The following NKD1 variants were observed in gnomAD, a reference collection of about 807,000 sequenced individuals.
NKD1 encodes NKD inhibitor of Wnt signaling pathway 1, also known as protein naked cuticle homolog 1.
A neutral mutation model predicts 56.0 loss-of-function variants in NKD1; 21 were observed. That is an observed-to-expected ratio of 0.38 (90% CI 0.27 to 0.54). NKD1 has a LOEUF of 0.54. Ranked by LOEUF, NKD1 falls within the 20% of genes least tolerant of loss-of-function variation. The probability of loss-of-function intolerance (pLI) is 0.82; values close to 1 mark genes in which losing one functional copy is unlikely to be tolerated. For synonymous variants in NKD1, 263 were observed against 265.7 expected (o/e 0.99, Z 0.10); for missense variants, 578 against 642.7 (o/e 0.90, Z 1.09).
intron 3 of NKD1, among the ~76,000 whole-genome samples, chr16:50,593,578 C>T (rs1386033644): frequency 6.6e-6 from 1 of 152,162 alleles, no homozygotes. Flanking sequence ...CCTGACCAGT[C>T]CCCATGGCTG....
At position 50,548,588 on chromosome 16, in the gene NKD1, C is replaced by T. The variant is rs1258264252; in HGVS notation, c.25+10C>T. On this transcript the variant is annotated intron_variant, in intron 1 of 9. Transcript: ENST00000268459. ...CTTCACTCCAAGCCGGGTCAGTGCC[C>T]CCGCCCGCGCGCTCGCCCCGGGCCC... The T allele has an allele frequency of 2.7e-6, 4 of 1,462,630 alleles. No homozygotes were observed. The highest frequency in any genetic ancestry group is 3.0e-5 in the African/African-American group (2 of 67,360). The allele number at this position is 1,462,630 out of a possible 1,614,324, so 90.6% of individuals were successfully genotyped here.
At chr16:50,548,620 C>T in intron 1 of NKD1, 42 bp downstream of exon 1, 2 of 1,445,564 alleles carry the variant, frequency 1.4e-6, no homozygotes, top group Non-Finnish European at 1.8e-6. Flanking sequence ...GCCCCGCCGC[C>T]GTCGCCGCCG....
At chr16:50,606,771 G>A (rs942883476) in intron 3 of NKD1, 6 of 456,280 alleles carry the variant, frequency 1.3e-5, no homozygotes, top group South Asian at 4.6e-5. Context: ...GAAGAGGTGC[G>A]CAGATTCTCT....
rs1275200282 is a variant in NKD1 at position 50,639,675 on chromosome 16, C to A, written c.*5894C>A. ...GGGCTGAGTTCTTTCTCTAGTTGCC[C>A]TGTCATCTGGCCTCTGGATAACCCA... is the stretch of plus-strand genomic sequence containing the variant. On this transcript the variant is annotated 3_prime_UTR_variant, in exon 10 of 10. Coordinates refer to ENST00000268459, the MANE Select transcript of NKD1 (RefSeq NM_033119.5). 2.6e-5 allele frequency: 4 copies of A among 152,256 alleles called. No individual in the cohort carries two copies. Among genetic ancestry groups the A allele is most frequent in the Non-Finnish European group, 5.9e-5 (4 of 68,054 alleles). 9.4% of individuals were successfully genotyped at this position (152,256 alleles called of 1,614,324 possible).
rs747891355 is a variant in NKD1, at chr16:50,630,275, G to A, written c.552G>A (p.Lys184=). The A allele has an allele frequency of 4.0e-5, 64 of 1,614,062 alleles. No individual in the cohort carries two copies. Among genetic ancestry groups the A allele is most frequent in the Non-Finnish European group, 5.2e-5 (61 of 1,180,048 alleles). ...CATCCAGCAAGATGCTGCGGGTAAA[G>A]CTCACCGTGGCCCCCGATGGCAGCC... ...SPTSSKMLRV[K]LTVAPDGSQS... The change falls in exon 7 of 10, where the codon AAG becomes AAA. Residue 184 remains lysine (K), a synonymous_variant. Transcript: ENST00000268459.
At chr16:50,599,870 G>T (rs539803041) in intron 3 of NKD1, among the ~76,000 whole-genome samples, 1 of 152,212 alleles carries the variant, frequency 6.6e-6, no homozygotes, top group East Asian at 1.9e-4. Context: ...GTGATGTCAA[G>T]ATTTACTCTT....
chr16:50,608,105 G>A (rs1961754817), intron 3 of NKD1, 189 bp from the exon 4 acceptor site: 2 of 605,438 alleles, frequency 3.3e-6, no homozygotes, highest in African/African-American at 3.7e-5. Flanking sequence ...GCTGATGCGT[G>A]TGGGTTTATG....
rs1224359088 is a variant in NKD1 at position 50,549,447 on chromosome 16, C to T, written c.84C>T (p.Ala28=). 2 of 1,611,528 alleles carry T rather than the reference C, an allele frequency of 1.2e-6. No homozygotes were observed. Among genetic ancestry groups the T allele is most frequent in the South Asian group, 2.2e-5 (2 of 90,968 alleles). The change falls in exon 3 of 10, where the codon GCC becomes GCT. Residue 28 remains alanine (A), a synonymous_variant. Coordinates refer to ENST00000268459, the MANE Select transcript of NKD1 (RefSeq NM_033119.5). ...PEGDSFAVSA[A]WARKGIEEWI... is the part of the protein sequence containing the mutation. The stretch of plus-strand genomic sequence containing the variant: ...GTGACAGCTTCGCCGTGAGCGCTGC[C>T]TGGGCTCGGAAGGGCATCGAGGAGT...
rs1368048117 is a variant in NKD1 at position 50,575,268 on chromosome 16, C to T, written c.192+25713C>T. Reference sequence around the variant, plus strand: ...GGCCAGTCTTCTGGGGTAACGTTGGCACTAAAAGATTCACCAGTGCCCAGA... The same window carrying T: ...GGCCAGTCTTCTGGGGTAACGTTGGTACTAAAAGATTCACCAGTGCCCAGA... On this transcript the variant is annotated intron_variant, in intron 3 of 9. Transcript: ENST00000268459. The T allele has an allele frequency of 4.1e-6, 4 of 985,398 alleles. No individual in the cohort carries two copies. In the Admixed American group the frequency reaches 2.5e-4, roughly 60 times the overall value. The allele number at this position is 985,398 out of a possible 1,614,324, so 61.0% of individuals were successfully genotyped here. A position where few individuals can be genotyped will look rare whatever the true frequency, so the allele number is the denominator to read the frequency against.
At chr16:50,620,769 C>T (rs1410889052) in intron 4 of NKD1, among the ~76,000 whole-genome samples, 9 of 152,176 alleles carry the variant, frequency 5.9e-5, no homozygotes, top group Admixed American at 3.3e-4. Context: ...TGATGCTACC[C>T]GGAGCTGGCA....
At chr16:50,577,406 C>T (rs1307496839) in intron 3 of NKD1, among the ~76,000 whole-genome samples, 1 of 152,094 alleles carries the variant, frequency 6.6e-6, no homozygotes, top group Non-Finnish European at 1.5e-5. Flanking sequence ...TGGGAATAAG[C>T]ATACACTTAT....
chr16:50,614,374 ACACT>A (rs925896292), intron 4 of NKD1, among the ~76,000 whole-genome samples: 66 of 152,248 alleles, frequency 4.3e-4, no homozygotes, highest in African/African-American at 1.5e-3. Context: ...GCACACACAC[ACACT>A]CACACACACA....
chr16:50,562,436 A>G (rs1170701799), intron 3 of NKD1: 1 of 195,894 alleles, frequency 5.1e-6, no homozygotes, highest in South Asian at 1.8e-4. Context: ...AAAAATGAGC[A>G]TGTGCTACTT....
chr16:50,579,837 A>C (rs988073200), intron 3 of NKD1, among the ~76,000 whole-genome samples: 1 of 151,726 alleles, frequency 6.6e-6, no homozygotes, highest in African/African-American at 2.4e-5. Flanking sequence ...CTACACATGC[A>C]CTCTAACCTG....
chr16:50,579,641 C>A, intron 3 of NKD1, among the ~76,000 whole-genome samples: 1 of 142,364 alleles, frequency 7.0e-6, no homozygotes, highest in South Asian at 2.2e-4. Flanking sequence ...CTGTCTTACT[C>A]CTGCGGGGTA....
chr16:50,571,881 C>T (rs1467261913), intron 3 of NKD1, among the ~76,000 whole-genome samples: 2 of 152,328 alleles, frequency 1.3e-5, no homozygotes, highest in South Asian at 2.1e-4. Flanking sequence ...TAAATTCCTT[C>T]CCATGGTCCA....
intron 6 of NKD1, among the ~76,000 whole-genome samples, chr16:50,628,289 T>C (rs1567353815): frequency 2.0e-5 from 3 of 152,226 alleles, no homozygotes; most frequent in Admixed American, 1.3e-4. Flanking sequence ...TCAACTGAGC[T>C]GAGCGGCCGT....
chr16:50,622,761 C>A (rs544351066), intron 5 of NKD1, among the ~76,000 whole-genome samples: 56 of 152,272 alleles, frequency 3.7e-4, no homozygotes, highest in African/African-American at 1.1e-3. Context: ...TGATTGGCAC[C>A]GGCTAATTGC....
Position 50,643,620 on chromosome 16 carries a change from T to C in NKD1, c.*9839T>C, listed in dbSNP as rs751321141. ...CACTCATCGCAGTAGTTACATCTTA[T>C]AAAGTCACCTCTGACACTGAGTTAG... On this transcript the variant is annotated 3_prime_UTR_variant, in exon 10 of 10. Coordinates refer to ENST00000268459, the MANE Select transcript of NKD1 (RefSeq NM_033119.5). 2 of 152,216 alleles carry C rather than the reference T, an allele frequency of 1.3e-5. No homozygotes were observed. The highest frequency in any genetic ancestry group is 2.9e-5 in the Non-Finnish European group (2 of 68,048). The allele number at this position is 152,216 out of a possible 1,614,324, so 9.4% of individuals were successfully genotyped here. A position where few individuals can be genotyped will look rare whatever the true frequency, so the allele number is the denominator to read the frequency against.
Sources: gnomAD v4.1 joint callset for allele counts (sites outside exome capture counted in the v4.1 genomes callset) on GRCh38, gnomAD v4.1.1 for gene constraint, MANE v1.5 for transcripts, NCBI Gene and HGNC (gene_info 2026-07-23, HGNC 2026-07-21) for gene names.